ACSM4: variants seen among roughly 807,000 people sequenced by gnomAD.
ACSM4 encodes the protein acyl-CoA synthetase medium chain family member 4.
Under a neutral mutation model 73.0 loss-of-function variants are expected in ACSM4, and 66 were observed. That is an observed-to-expected ratio of 0.90 (90% confidence interval 0.74 to 1.11). The LOEUF (loss-of-function observed/expected upper bound fraction) is 1.11. Ranked by LOEUF, ACSM4 falls within the 50% of genes least tolerant of loss-of-function variation. The probability of loss-of-function intolerance (pLI) is 0.00; values close to 1 mark genes in which losing one functional copy is unlikely to be tolerated. For synonymous variants in ACSM4, 222 were observed against 254.0 expected (o/e 0.87, Z 1.20); for missense variants, 645 against 714.4 (o/e 0.90, Z 1.11).
chr12:7,304,424 G>A lies in ACSM4; in HGVS notation c.93G>A (p.Thr31=), dbSNP rs375279754. The A allele has an allele frequency of 6.1e-5, 99 of 1,613,946 alleles. No homozygotes were observed. Among genetic ancestry groups the A allele is most frequent in the Middle Eastern group, 3.3e-4 (2 of 6,062 alleles). ...TACACAAAGATCACCAGCTTTGGACGCCTCTGACTCTTGCTGACTTTGAAG... is the reference window on the plus strand; with the variant it reads ...TACACAAAGATCACCAGCTTTGGACACCTCTGACTCTTGCTGACTTTGAAG... ...RRLHKDHQLW[T]PLTLADFEAI... is the part of the protein sequence containing the mutation. The change falls in exon 1 of 13, where the codon ACG becomes ACA. Residue 31 remains threonine, a synonymous_variant. Transcript: ENST00000399422.
chr12:7,306,868 G>T, intron 2 of ACSM4, 125 bp downstream of exon 2: 1 of 836,124 alleles, frequency 1.2e-6, no homozygotes, highest in Non-Finnish European at 1.8e-6. Flanking sequence ...AAAAAAAGAA[G>T]AGTTAAGGCA....
chr12:7,318,317 C>G (rs1426012400), intron 5 of ACSM4, 135 bp downstream of exon 5: 2 of 1,136,046 alleles, frequency 1.8e-6, no homozygotes, highest in Non-Finnish European at 2.4e-6. Context: ...AGCAAAGTCT[C>G]AAGGGCCTCA....
intron 1 of ACSM4, 23 bp downstream of exon 1, chr12:7,304,555 T>A: frequency 6.2e-7 from 1 of 1,603,576 alleles, no homozygotes; most frequent in East Asian, 2.2e-5. Flanking sequence ...GGGCTTCCAG[T>A]AGATGCTTGG....
intron 1 of ACSM4, among the ~76,000 whole-genome samples, chr12:7,306,087 G>A (rs1252263035): frequency 2.6e-5 from 4 of 152,172 alleles, no homozygotes; most frequent in African/African-American, 9.7e-5. Context: ...TCTAATTTAA[G>A]CAAGAAAGAA....
At position 7,306,741 on chromosome 12, in the gene ACSM4, C is replaced by T; in HGVS notation, c.410C>T (p.Thr137Ile). 2 of 1,605,854 alleles carry T rather than the reference C, an allele frequency of 1.2e-6. No homozygotes were observed. The highest frequency in any genetic ancestry group is 8.5e-7 in the Non-Finnish European group (1 of 1,176,700). ...WWLVNVACIRTGIIFMPGTIQ... is the reference protein window; with the variant it reads ...WWLVNVACIRIGIIFMPGTIQ... ...CTGGTCAATGTAGCTTGCATACGAA[C>T]AGGTCAGTGCCAATATTAGCATTCT... The change falls in exon 2 of 13, where the codon ACA (threonine) becomes ATA (isoleucine). Residue 137 changes from threonine to isoleucine, a missense_variant and splice_region_variant. Transcript: ENST00000399422.
intron 11 of ACSM4, 71 bp downstream of exon 11, chr12:7,324,669 G>T (rs751904860): frequency 1.5e-5 from 22 of 1,507,730 alleles, no homozygotes; most frequent in African/African-American, 1.4e-4. Context: ...CACTGTAAAG[G>T]CTGAACCAAG....
chr12:7,309,270 T>G (rs1028358325), intron 2 of ACSM4, among the ~76,000 whole-genome samples: 1 of 152,142 alleles, frequency 6.6e-6, no homozygotes, highest in African/African-American at 2.4e-5. Flanking sequence ...CTGGAATCCA[T>G]AGAGAAGAGG....
intron 2 of ACSM4, among the ~76,000 whole-genome samples, chr12:7,307,114 T>C (rs1170381420): frequency 1.3e-5 from 2 of 151,896 alleles, no homozygotes; most frequent in Admixed American, 1.3e-4. Context: ...ATTACCCAGT[T>C]GTGGTGGTGT....
chr12:7,314,869 C>G (rs1263549129), intron 3 of ACSM4, among the ~76,000 whole-genome samples: 1 of 152,040 alleles, frequency 6.6e-6, no homozygotes, highest in Non-Finnish European at 1.5e-5. Flanking sequence ...CCAAGAAAAC[C>G]ATGTTAATAT....
chr12:7,305,463 G>T (rs35103382), intron 1 of ACSM4, among the ~76,000 whole-genome samples: 11,780 of 152,218 alleles, frequency 0.077, 559 homozygotes, highest in East Asian at 0.24. Context: ...GAAACAATGA[G>T]ACTTAAATGA....
chr12:7,327,169 AT>A, intron 12 of ACSM4, 74 bp downstream of exon 12: 1 of 1,454,734 alleles, frequency 6.9e-7, no homozygotes. Context: ...ATTTTACTGG[AT>A]TTTGATTTTA....
At chr12:7,313,895 CT>C (rs1041756226) in intron 3 of ACSM4, among the ~76,000 whole-genome samples, 1 of 152,118 alleles carries the variant, frequency 6.6e-6, no homozygotes, top group African/African-American at 2.4e-5. Context: ...AAAATTGACC[CT>C]GTAAGCAAGG....
Position 7,326,861 on chromosome 12 carries a change from G to A in ACSM4, c.1537-115G>A, listed in dbSNP as rs978172392. The A allele has an allele frequency of 5.9e-6, 7 of 1,188,754 alleles. No homozygotes were observed. In the East Asian group the frequency reaches 1.9e-4, roughly 32 times the overall value. The allele number at this position is 1,188,754 out of a possible 1,614,324, so 73.6% of individuals were successfully genotyped here. A position where few individuals can be genotyped will look rare whatever the true frequency, so the allele number is the denominator to read the frequency against. On this transcript the variant is annotated intron_variant, in intron 11 of 12. Coordinates refer to ENST00000399422, the MANE Select transcript of ACSM4 (RefSeq NM_001080454.2). ...TCAGAGGTAACCTCTGGCATTTGCAGTCATCACACAAACTGTTATTAATAA... is the reference window on the plus strand; with the variant it reads ...TCAGAGGTAACCTCTGGCATTTGCAATCATCACACAAACTGTTATTAATAA...
At position 7,304,176 on chromosome 12, in the gene ACSM4, T is replaced by C; in HGVS notation, c.-156T>C. On this transcript the variant is annotated 5_prime_UTR_variant, in exon 1 of 13. Transcript: ENST00000399422. ...CAGCTCTGAGGAAGGATGAGGTGTT[T>C]TTCAGGTGTTCCCCAACTTGCCAGG... 1 of 741,154 alleles carries C rather than the reference T, an allele frequency of 1.3e-6. No homozygotes were observed. 45.9% of individuals were successfully genotyped at this position (741,154 alleles called of 1,614,324 possible).
Position 7,310,734 on chromosome 12 carries a change from A to G in ACSM4, c.608A>G (p.Gln203Arg), listed in dbSNP as rs762343669. ...PQSWNGWLSF[Q>R]ELFQFASEEH... is the part of the protein sequence containing the mutation. ...AGCTGGAATGGGTGGCTCAGCTTCC[A>G]GGAGTTATTTCAGTGAGTATTTTTC... Residue 203 changes from glutamine to arginine, a missense_variant, in exon 3 of 13, where the codon CAG (glutamine) becomes CGG (arginine). By Grantham distance (43) the Gln-to-Arg change is conservative (BLOSUM62 1). Coordinates refer to ENST00000399422, the MANE Select transcript of ACSM4 (RefSeq NM_001080454.2). The G allele has an allele frequency of 6.2e-7, 1 of 1,612,750 alleles. No individual in the cohort carries two copies. The highest frequency in any genetic ancestry group is 1.3e-5 in the African/African-American group (1 of 75,038).
intron 11 of ACSM4, among the ~76,000 whole-genome samples, chr12:7,325,898 A>G (rs973402219): frequency 2.0e-5 from 3 of 152,188 alleles, no homozygotes; most frequent in Non-Finnish European, 2.9e-5. Context: ...GAGCCTCTGT[A>G]GTGACACTGT....
chr12:7,308,656 T>C (rs947340934), intron 2 of ACSM4, among the ~76,000 whole-genome samples: 1 of 152,332 alleles, frequency 6.6e-6, no homozygotes, highest in South Asian at 2.1e-4. Context: ...GTTTGTAAAA[T>C]AAATAATCTT....
chr12:7,306,211 C>T (rs1383561452), intron 1 of ACSM4, among the ~76,000 whole-genome samples: 1 of 152,210 alleles, frequency 6.6e-6, no homozygotes, highest in African/African-American at 2.4e-5. Context: ...CACGAATAAC[C>T]CATAGACAAG....
At position 7,306,673 on chromosome 12, in the gene ACSM4, A is replaced by T. The variant is rs1946364080; in HGVS notation, c.342A>T (p.Gly114=). Residue 114 remains glycine (G), a synonymous_variant, in exon 2 of 13, where the codon GGA becomes GGT. Coordinates refer to ENST00000399422, the MANE Select transcript of ACSM4 (RefSeq NM_001080454.2). ...CCAAGCCCTGTGGCCTGCAGAGAGG[A>T]GACCGTTTGGCCGTGATTCTGCCCA... The part of the protein sequence containing the change: ...VLTKPCGLQR[G]DRLAVILPRI... The T allele has an allele frequency of 6.2e-7, 1 of 1,611,462 alleles. No homozygotes were observed.
Sources: gnomAD v4.1 joint callset for allele counts (sites outside exome capture counted in the v4.1 genomes callset) on GRCh38, gnomAD v4.1.1 for gene constraint, MANE v1.5 for transcripts, NCBI Gene and HGNC (gene_info 2026-07-23, HGNC 2026-07-21) for gene names.